The following CELF5 variants were observed in gnomAD, a reference collection of about 807,000 sequenced individuals.
CELF5 encodes the protein CUGBP Elav-like family member 5.
CELF5 carries 6 observed loss-of-function variants against 54.9 expected under a neutral mutation model. The ratio of observed to expected loss-of-function variants is 0.11; its 90% CI spans 0.06 to 0.22. CELF5 has a LOEUF of 0.22. Among genes scored for constraint, CELF5 ranks in the 10% least tolerant of loss-of-function variants. CELF5 has a pLI of 1.00. For synonymous variants in CELF5, 271 were observed against 290.9 expected (o/e 0.93, Z 0.70); for missense variants, 401 against 678.6 (o/e 0.59, Z 4.54).
chr19:3,296,987 A>G lies in CELF5; in HGVS notation c.*270A>G, dbSNP rs1016077795. 1 of 135,546 alleles carries G rather than the reference A, an allele frequency of 7.4e-6. No individual in the cohort carries two copies. Among genetic ancestry groups the G allele is most frequent in the African/African-American group, 2.6e-5 (1 of 38,288 alleles). The allele number at this position is 135,546 out of a possible 1,614,324, so 8.4% of individuals were successfully genotyped here. A position where few individuals can be genotyped will look rare whatever the true frequency, so the allele number is the denominator to read the frequency against. Reference sequence around the variant, plus strand: ...AGGTGAGAAGCAGCAAAGCGTCTTAATGTTCAAAACGCCTCTCTTTGGTCT... The same window carrying G: ...AGGTGAGAAGCAGCAAAGCGTCTTAGTGTTCAAAACGCCTCTCTTTGGTCT... On this transcript the variant is annotated 3_prime_UTR_variant, in exon 13 of 13. Coordinates refer to ENST00000292672, the MANE Select transcript of CELF5 (RefSeq NM_021938.4).
intron 2 of CELF5, among the ~76,000 whole-genome samples, chr19:3,251,652 C>CTTTTTTTTTTTTTTTTTTTTTTTT (rs1195812856): frequency 1.2e-4 from 8 of 67,108 alleles, no homozygotes; most frequent in Admixed American, 1.9e-4. Context: ...ACAAGGGCTT[C>CTTTTTTTTTTTTTTTTTTTTTTTT]TTTTTTTTTT....
chr19:3,227,048 C>T (rs1017031637), intron 1 of CELF5, among the ~76,000 whole-genome samples: 1 of 152,150 alleles, frequency 6.6e-6, no homozygotes, highest in African/African-American at 2.4e-5. Flanking sequence ...TCACCCTCCA[C>T]TTTTTAGGGG....
intron 1 of CELF5, among the ~76,000 whole-genome samples, chr19:3,250,528 G>A (rs936553250): frequency 6.6e-6 from 1 of 152,194 alleles, no homozygotes. Flanking sequence ...CAGCTCAGTG[G>A]TATTAAGCAT....
At chr19:3,296,590 C>T (rs2080457609) in intron 12 of CELF5, 168 bp from the exon 13 acceptor site, 1 of 152,136 alleles carries the variant, frequency 6.6e-6, no homozygotes, top group Non-Finnish European at 1.5e-5. Context: ...TCCCCGTGTG[C>T]AAGCGTGTGC....
chr19:3,248,515 G>A (rs1026441874), intron 1 of CELF5, among the ~76,000 whole-genome samples: 4 of 152,070 alleles, frequency 2.6e-5, no homozygotes, highest in African/African-American at 7.3e-5. Flanking sequence ...TGTTCTCAAG[G>A]TTCACCCACG....
chr19:3,277,899 G>A lies in CELF5; in HGVS notation c.524-132G>A, dbSNP rs1384729541. 2.1e-5 allele frequency: 14 copies of A among 672,274 alleles called. No individual in the cohort carries two copies. In the Admixed American group the frequency reaches 2.7e-4, roughly 13 times the overall value. 41.6% of individuals were successfully genotyped at this position (672,274 alleles called of 1,614,324 possible). On this transcript the variant is annotated intron_variant, in intron 4 of 12. Coordinates refer to ENST00000292672, the MANE Select transcript of CELF5 (RefSeq NM_021938.4). ...TGAGCAAACGGCTGGCTGTCTTTCT[G>A]TTATCAGTTCTCTCTGGCTGCATGT...
rs562318418 is a variant in CELF5, at chr19:3,251,407, G to C, written c.342+340G>C. Among the ~76,000 whole-genome samples, 149 of 152,160 alleles carry C rather than the reference G, an allele frequency of 9.8e-4. 8 individuals carry two copies. In the South Asian group the frequency reaches 0.031, roughly 31 times the overall value. ...GAGGGCACAGCATGTGCCAAGGCCC[G>C]GGGGAGGACCATGCCTGACGTGTTG... On this transcript the variant is annotated intron_variant, in intron 2 of 12. Transcript: ENST00000292672.
chr19:3,269,625 T>G (rs1438731398), intron 2 of CELF5, among the ~76,000 whole-genome samples: 1 of 152,138 alleles, frequency 6.6e-6, no homozygotes, highest in Non-Finnish European at 1.5e-5. Flanking sequence ...ATCTCTAGCA[T>G]ACACAGGTCA....
rs1280719637 is a variant in CELF5 at position 3,228,455 on chromosome 19, G to A, written c.259+3457G>A. Among the ~76,000 whole-genome samples, 4 of 152,226 alleles carry A rather than the reference G, an allele frequency of 2.6e-5. No homozygotes were observed. The highest frequency in any genetic ancestry group is 9.7e-5 in the African/African-American group (4 of 41,450). ...GCTGTGGCTGCCCCTGTCTATGGAT[G>A]GTGGCTGCCTGGGTGCCCACCCTGC... On this transcript the variant is annotated intron_variant, in intron 1 of 12. Coordinates refer to ENST00000292672, the MANE Select transcript of CELF5 (RefSeq NM_021938.4). The surrounding 1 kb of genome is among the most constrained non-coding windows in gnomAD (Gnocchi z 6.0).
At chr19:3,253,817 G>T (rs1451493606) in intron 2 of CELF5, among the ~76,000 whole-genome samples, 1 of 151,932 alleles carries the variant, frequency 6.6e-6, no homozygotes, top group Non-Finnish European at 1.5e-5. Flanking sequence ...CAGGTCCTGG[G>T]GGAAGCTCTG....
chr19:3,249,059 C>G (rs1417018034), intron 1 of CELF5, among the ~76,000 whole-genome samples: 1 of 151,984 alleles, frequency 6.6e-6, no homozygotes, highest in East Asian at 1.9e-4. Flanking sequence ...CCCTCCCCAC[C>G]ACACAGCCCA....
At chr19:3,231,615 AGATG>A (rs1293970127) in intron 1 of CELF5, among the ~76,000 whole-genome samples, 1 of 129,462 alleles carries the variant, frequency 7.7e-6, no homozygotes. Context: ...ATGGATGGAT[AGATG>A]GATGGATGGT....
At chr19:3,280,982 G>A (rs926126115) in intron 5 of CELF5, among the ~76,000 whole-genome samples, 2 of 152,166 alleles carry the variant, frequency 1.3e-5, no homozygotes, top group East Asian at 3.8e-4. Context: ...AGGCCTGGGC[G>A]CTGCACCTGT....
rs561244436 is a variant in CELF5 at position 3,278,353 on chromosome 19, TG to T, written c.603+244del. On this transcript the variant is annotated intron_variant, in intron 5 of 12. Transcript: ENST00000292672. This position sits in a 1 kb window ranked among gnomAD's most constrained non-coding sequence, Gnocchi z 4.5. ...AGCGAAGTGTATGTGTGTGCATGGA[TG>T]TATTACAAGTGTGTGCGTGTGGGTG... Among the ~76,000 whole-genome samples, 135 of 151,998 alleles carry T rather than the reference TG, an allele frequency of 8.9e-4. No homozygotes were observed. The highest frequency in any genetic ancestry group is 3.1e-3 in the African/African-American group (129 of 41,440).
chr19:3,263,581 A>T (rs1333153036), intron 2 of CELF5, among the ~76,000 whole-genome samples: 1 of 147,604 alleles, frequency 6.8e-6, no homozygotes, highest in Non-Finnish European at 1.5e-5. Flanking sequence ...GAAACAAACA[A>T]ACAAACAAAT....
At chr19:3,284,880 C>T (rs762102002) in intron 8 of CELF5, 22 bp from the exon 9 acceptor site, 1 of 1,611,568 alleles carries the variant, frequency 6.2e-7, no homozygotes, top group South Asian at 1.1e-5. Context: ...CCGCCCCACT[C>T]AGCCCCTCTG....
At chr19:3,270,880 G>C (rs2079951094) in intron 2 of CELF5, among the ~76,000 whole-genome samples, 1 of 151,806 alleles carries the variant, frequency 6.6e-6, no homozygotes, top group Non-Finnish European at 1.5e-5. Flanking sequence ...GCTCTGTGGC[G>C]GGTGGGGAGA....
At chr19:3,288,975 A>G (rs924531504) in intron 10 of CELF5, among the ~76,000 whole-genome samples, 1 of 152,178 alleles carries the variant, frequency 6.6e-6, no homozygotes, top group Admixed American at 6.6e-5. Flanking sequence ...CAGATGAACA[A>G]GGTTTTAAAG....
intron 1 of CELF5, among the ~76,000 whole-genome samples, chr19:3,243,022 C>A (rs1423856459): frequency 6.6e-6 from 1 of 152,032 alleles, no homozygotes; most frequent in African/African-American, 2.4e-5. Flanking sequence ...ACCTGTGTGA[C>A]CTTGGGCAAG....
Sources: allele counts gnomAD v4.1 joint callset (sites outside exome capture counted in the v4.1 genomes callset), GRCh38; gene constraint gnomAD v4.1.1; non-coding constraint Gnocchi (gnomAD v3.1); transcripts MANE v1.5; gene names NCBI Gene and HGNC (gene_info 2026-07-23, HGNC 2026-07-21).